Variants in TMEM117 observed in about 807,000 individuals in gnomAD.
The protein encoded by TMEM117 is transmembrane protein 117.
TMEM117 carries 27 observed loss-of-function variants against 52.4 expected under a neutral mutation model. The observed-to-expected ratio is 0.51, with a 90% CI of 0.38 to 0.71. The LOEUF (loss-of-function observed/expected upper bound fraction) is 0.71, where lower values mean the gene tolerates loss of function less well. TMEM117 is among the 30% of genes least tolerant of loss of function. TMEM117 has a pLI of 0.00. For synonymous variants in TMEM117, 215 were observed against 206.3 expected (o/e 1.04, Z -0.36); for missense variants, 556 against 630.5 (o/e 0.88, Z 1.26).
intron 6 of TMEM117, among the ~76,000 whole-genome samples, chr12:44,366,573 G>C (rs1036770228): frequency 6.6e-6 from 1 of 152,012 alleles, no homozygotes; most frequent in South Asian, 2.1e-4. Flanking sequence ...TTTCTCTAGA[G>C]CTCAGAGGAT....
chr12:43,998,429 A>C (rs1349378620), intron 3 of TMEM117, among the ~76,000 whole-genome samples: 1 of 152,186 alleles, frequency 6.6e-6, no homozygotes, highest in Non-Finnish European at 1.5e-5. Context: ...TTTTGGATAC[A>C]CCCTGATAAT....
chr12:44,097,166 C>T (rs1947780339), intron 3 of TMEM117, among the ~76,000 whole-genome samples: 1 of 151,974 alleles, frequency 6.6e-6, no homozygotes, highest in African/African-American at 2.4e-5. Context: ...CATAATGAGA[C>T]ACCATCTCAC....
At chr12:44,062,237 C>G (rs1201406281) in intron 3 of TMEM117, among the ~76,000 whole-genome samples, 1 of 152,128 alleles carries the variant, frequency 6.6e-6, no homozygotes, top group Non-Finnish European at 1.5e-5. Context: ...AGGAATATTG[C>G]CACTTGCATT....
At chr12:43,799,664 A>G in the TMEM117 span, among the ~76,000 whole-genome samples, 1 of 152,070 alleles carries the variant, frequency 6.6e-6, no homozygotes, top group African/African-American at 2.4e-5. Context: ...CCTCAATTTT[A>G]AGTTTCAAAA....
the TMEM117 span, among the ~76,000 whole-genome samples, chr12:43,827,568 ATTATCT>A: frequency 4.6e-5 from 7 of 152,302 alleles, no homozygotes; most frequent in African/African-American, 1.7e-4. Flanking sequence ...ACAAAAACAC[ATTATCT>A]TTATCATTAA....
intron 3 of TMEM117, among the ~76,000 whole-genome samples, chr12:43,967,132 CT>C (rs60114254): frequency 0.014 from 1,998 of 145,772 alleles, 44 homozygotes; most frequent in African/African-American, 0.047. Context: ...ACTTCTTCTT[CT>C]TTTTTTTTTT....
intron 5 of TMEM117, among the ~76,000 whole-genome samples, chr12:44,268,913 A>T (rs1305856998): frequency 6.6e-6 from 1 of 152,158 alleles, no homozygotes; most frequent in Non-Finnish European, 1.5e-5. Context: ...TAAGATAGCC[A>T]TAATTTGTGC....
At chr12:44,160,223 T>C (rs926830180) in intron 4 of TMEM117, among the ~76,000 whole-genome samples, 1 of 152,144 alleles carries the variant, frequency 6.6e-6, no homozygotes, top group Admixed American at 6.5e-5. Flanking sequence ...TGGTGTTATA[T>C]TGAGCATCTA....
chr12:44,042,333 A>T (rs1028536161), intron 3 of TMEM117, among the ~76,000 whole-genome samples: 2 of 148,406 alleles, frequency 1.3e-5, no homozygotes, highest in Non-Finnish European at 3.0e-5. Context: ...TTATTTATTT[A>T]AAAAAACTTA....
In TMEM117 at chr12:44,082,901, A is replaced by T. The variant is rs546644931; in HGVS notation, c.411-60624A>T. Reference sequence around the variant, plus strand: ...TGTATATATGTATATGTGTGGGTGTATGTGTGTGTATGTGTATATATAGCC... The same window carrying T: ...TGTATATATGTATATGTGTGGGTGTTTGTGTGTGTATGTGTATATATAGCC... On this transcript the variant is annotated intron_variant, in intron 3 of 7. Transcript: ENST00000266534. Among the ~76,000 whole-genome samples the T allele has an allele frequency of 1.4e-4, 21 of 152,012 alleles. No individual in the cohort carries two copies. The East Asian group carries it at 4.1e-3, about 29-fold the overall frequency.
intron 3 of TMEM117, among the ~76,000 whole-genome samples, chr12:44,041,973 A>G (rs1157384693): frequency 6.6e-6 from 1 of 152,214 alleles, no homozygotes; most frequent in Non-Finnish European, 1.5e-5. Flanking sequence ...CCAATTCAGC[A>G]GTTCTGGTAG....
chr12:43,917,984 C>T (rs10880588), intron 2 of TMEM117, among the ~76,000 whole-genome samples: 26,238 of 152,104 alleles, frequency 0.17, 3,473 homozygotes, highest in African/African-American at 0.36. Flanking sequence ...GTTTGTTAGA[C>T]TGATTTCCTA....
intron 3 of TMEM117, among the ~76,000 whole-genome samples, chr12:44,016,661 G>A (rs796536875): frequency 8.5e-5 from 13 of 152,250 alleles, no homozygotes; most frequent in Admixed American, 2.6e-4. Flanking sequence ...TTCTTTAGTG[G>A]AAATACAAAG....
intron 4 of TMEM117, among the ~76,000 whole-genome samples, chr12:44,202,512 T>TTAGC (rs1195805641): frequency 6.6e-6 from 1 of 152,190 alleles, no homozygotes; most frequent in Non-Finnish European, 1.5e-5. Flanking sequence ...TTGTGGCGGA[T>TTAGC]TAGCTTTTTG....
chr12:44,182,434 A>G lies in TMEM117; in HGVS notation c.511-28856A>G, dbSNP rs539696027. ...GAGAGGGCATCCCTGTCTTGTGCAC[A>G]GAGCCAAAGACAAAAACCACATGAT... On this transcript the variant is annotated intron_variant, in intron 4 of 7. Coordinates refer to ENST00000266534, the MANE Select transcript of TMEM117 (RefSeq NM_032256.3). Among the ~76,000 whole-genome samples the G allele has an allele frequency of 1.8e-4, 27 of 152,284 alleles. No individual in the cohort carries two copies. The South Asian group carries it at 4.3e-3, about 25-fold the overall frequency.
intron 3 of TMEM117, among the ~76,000 whole-genome samples, chr12:44,087,356 A>C (rs1947587518): frequency 6.6e-6 from 1 of 152,198 alleles, no homozygotes; most frequent in Non-Finnish European, 1.5e-5. Context: ...TGTGCTAAAC[A>C]TACAAAAAGT....
chr12:44,291,374 GT>G (rs1185340451), intron 5 of TMEM117, among the ~76,000 whole-genome samples: 2,752 of 71,456 alleles, frequency 0.039, 69 homozygotes, highest in African/African-American at 0.13. Flanking sequence ...AGTTCTAACA[GT>G]TTTTTTTTTT....
the TMEM117 span, among the ~76,000 whole-genome samples, chr12:43,818,474 T>C: frequency 6.6e-6 from 1 of 151,570 alleles, no homozygotes; most frequent in Non-Finnish European, 1.5e-5. Flanking sequence ...GGAATCGCGC[T>C]CTGTCGCCTG....
intron 3 of TMEM117, among the ~76,000 whole-genome samples, chr12:43,987,046 G>T (rs537904638): frequency 6.6e-6 from 1 of 152,260 alleles, no homozygotes; most frequent in South Asian, 2.1e-4. Flanking sequence ...CTCAGAATGT[G>T]ATTATATTTG....
Sources: gnomAD v4.1 joint callset for allele counts (sites outside exome capture counted in the v4.1 genomes callset) on GRCh38, gnomAD v4.1.1 for gene constraint, MANE v1.5 for transcripts, NCBI Gene and HGNC (gene_info 2026-07-23, HGNC 2026-07-21) for gene names.